Variants in SAMMSON observed in about 807,000 individuals in gnomAD.
SAMMSON encodes long intergenic non-protein coding RNA 1212.
intron 4 of SAMMSON, among the ~76,000 whole-genome samples, chr3:70,241,611 T>C (rs1308264449): frequency 6.6e-6 from 1 of 152,134 alleles, no homozygotes; most frequent in African/African-American, 2.4e-5. Flanking sequence ...AATTTAATGA[T>C]ACTAAGTACC....
intron 1 of SAMMSON, among the ~76,000 whole-genome samples, chr3:70,003,296 T>C (rs1197680823): frequency 7.2e-5 from 11 of 152,068 alleles, no homozygotes; most frequent in Admixed American, 2.6e-4. Flanking sequence ...TGGATAGTCT[T>C]TGTCATTTAA....
chr3:70,396,356 T>C (rs971657943), intron 2 of SAMMSON, among the ~76,000 whole-genome samples: 22 of 152,194 alleles, frequency 1.4e-4, no homozygotes, highest in Admixed American at 1.3e-3. Context: ...TAGTAATCAA[T>C]TGTAAAGCAC....
In SAMMSON at chr3:70,290,343, T is replaced by A. The variant is rs545328114; in HGVS notation, n.675-836T>A. Reference sequence around the variant, plus strand: ...AGTGTAAGGTGTCAGTGTGCCCCTGTTGGGGGGTGCCTCCCAGTTAGGCTG... The same window carrying A: ...AGTGTAAGGTGTCAGTGTGCCCCTGATGGGGGGTGCCTCCCAGTTAGGCTG... On this transcript the variant is annotated intron_variant and non_coding_transcript_variant, in intron 6 of 9. Transcript: ENST00000642114. 9.9e-5 allele frequency among the ~76,000 whole-genome samples: 15 copies of A among 152,182 alleles called. No individual in the cohort carries two copies. The East Asian group carries it at 2.7e-3, about 27-fold the overall frequency.
chr3:70,243,506 G>A (rs1701679806), intron 4 of SAMMSON, among the ~76,000 whole-genome samples: 1 of 151,798 alleles, frequency 6.6e-6, no homozygotes, highest in African/African-American at 2.4e-5. Context: ...TTCGTTTTTT[G>A]GCTTTAAGTG....
chr3:70,400,695 G>A (rs527574301), intron 2 of SAMMSON, among the ~76,000 whole-genome samples: 4 of 152,104 alleles, frequency 2.6e-5, no homozygotes, highest in African/African-American at 4.8e-5. Flanking sequence ...ACTTTGGAGC[G>A]TGAGGTGGGT....
intron 6 of SAMMSON, among the ~76,000 whole-genome samples, chr3:70,270,271 C>T (rs1701964096): frequency 6.6e-6 from 1 of 152,066 alleles, no homozygotes; most frequent in Non-Finnish European, 1.5e-5. Context: ...ACAGCAAATC[C>T]TAGCACATTA....
At chr3:70,104,153 CT>C (rs1395184323) in intron 4 of SAMMSON, among the ~76,000 whole-genome samples, 4 of 151,920 alleles carry the variant, frequency 2.6e-5, no homozygotes, top group African/African-American at 9.7e-5. Context: ...AGCTGGGAGT[CT>C]TGGTTTCCTC....
intron 4 of SAMMSON, among the ~76,000 whole-genome samples, chr3:70,073,073 C>T (rs1038983468): frequency 3.9e-5 from 6 of 151,954 alleles, no homozygotes; most frequent in African/African-American, 1.4e-4. Context: ...GGCGGAAGAA[C>T]CCTACTCTTT....
At chr3:70,237,977 A>ATTTTTTT (rs1251005797) in intron 4 of SAMMSON, among the ~76,000 whole-genome samples, 9 of 12,992 alleles carry the variant, frequency 6.9e-4, no homozygotes, top group African/African-American at 3.0e-3. Context: ...ATTGAGTGGT[A>ATTTTTTT]TCTTTTTTTT....
chr3:70,411,662 C>T (rs994550222), intron 2 of SAMMSON, among the ~76,000 whole-genome samples: 5 of 152,016 alleles, frequency 3.3e-5, no homozygotes, highest in African/African-American at 4.8e-5. Flanking sequence ...GTGGTGTTCT[C>T]GTGATAGTGA....
At chr3:70,210,543 G>T (rs1192642860) in intron 4 of SAMMSON, among the ~76,000 whole-genome samples, 3 of 151,942 alleles carry the variant, frequency 2.0e-5, no homozygotes, top group Non-Finnish European at 4.4e-5. Flanking sequence ...TTCCTTTATT[G>T]TATTATTCGA....
intron 4 of SAMMSON, chr3:70,197,118 G>T (rs1234596437): frequency 1.5e-5 from 6 of 398,428 alleles, no homozygotes; most frequent in Non-Finnish European, 2.2e-5. Context: ...CGCAGGTGCC[G>T]GGGAGCATCA....
chr3:70,294,758 T>C (rs1055799145), intron 7 of SAMMSON, among the ~76,000 whole-genome samples: 7 of 152,198 alleles, frequency 4.6e-5, no homozygotes, highest in Admixed American at 1.3e-4. Flanking sequence ...CAGATTTTTT[T>C]CCATGTCATT....
At chr3:70,425,116 C>G (rs1170175174) in intron 2 of SAMMSON, 4 of 152,170 alleles carry the variant, frequency 2.6e-5, no homozygotes. Context: ...GGGCACTATA[C>G]TATGTGTCAA....
At chr3:70,388,152 T>A (rs1044881987) in intron 9 of SAMMSON, among the ~76,000 whole-genome samples, 11 of 152,290 alleles carry the variant, frequency 7.2e-5, no homozygotes, top group Non-Finnish European at 1.3e-4. Context: ...AATATAGGCA[T>A]CTGCCTGTTC....
At chr3:70,131,870 G>A (rs1366570153) in intron 4 of SAMMSON, among the ~76,000 whole-genome samples, 1 of 152,126 alleles carries the variant, frequency 6.6e-6, no homozygotes, top group Admixed American at 6.5e-5. Context: ...GAGACACTAT[G>A]CGTGGTCAGG....
At chr3:70,009,232 A>G (rs2066943273) in intron 1 of SAMMSON, 1 of 151,994 alleles carries the variant, frequency 6.6e-6, no homozygotes, top group Non-Finnish European at 1.5e-5. Context: ...TCCTCCTTGT[A>G]CCTCTGGTAG....
intron 8 of SAMMSON, among the ~76,000 whole-genome samples, chr3:70,355,595 A>G (rs1702823753): frequency 6.6e-6 from 1 of 152,182 alleles, no homozygotes; most frequent in Non-Finnish European, 1.5e-5. Flanking sequence ...AAAAATGGAA[A>G]GAAAGTGAAA....
At chr3:70,129,792 CTGTT>C (rs2067474678) in intron 4 of SAMMSON, among the ~76,000 whole-genome samples, 1 of 152,202 alleles carries the variant, frequency 6.6e-6, no homozygotes, top group Admixed American at 6.5e-5. Context: ...GATATGGACA[CTGTT>C]CCATCAAGAG....
Sources: gnomAD v4.1 joint callset for allele counts (sites outside exome capture counted in the v4.1 genomes callset) on GRCh38, gnomAD v4.1.1 for gene constraint, MANE v1.5 for transcripts, NCBI Gene and HGNC (gene_info 2026-07-23, HGNC 2026-07-21) for gene names.